AGMO: variants seen among roughly 807,000 people sequenced by gnomAD.
The protein encoded by AGMO is alkylglycerol monooxygenase.
In AGMO, 75 loss-of-function variants were observed where a neutral mutation model predicts 60.2. That is an observed-to-expected ratio of 1.25 (90% CI 1.03 to 1.51). AGMO has a LOEUF of 1.51. Among genes scored for constraint, AGMO ranks in the 40% most tolerant of loss-of-function variants. AGMO has a pLI of 0.00. For missense variants in AGMO, 763 were observed against 525.5 expected (o/e 1.45, Z -4.42); for synonymous variants, 261 against 177.1 (o/e 1.47, Z -3.76).
chr7:15,388,168 T>TA (rs1194767015), intron 8 of AGMO, among the ~76,000 whole-genome samples: 1 of 152,166 alleles, frequency 6.6e-6, no homozygotes, highest in East Asian at 1.9e-4. Flanking sequence ...ATTAAGATTA[T>TA]AAAAAATAAT....
At chr7:15,293,614 T>C (rs538416992) in intron 12 of AGMO, among the ~76,000 whole-genome samples, 4 of 147,526 alleles carry the variant, frequency 2.7e-5, no homozygotes, top group South Asian at 4.1e-4. Context: ...GCTTCTACTC[T>C]AGTTCCTCAC....
At chr7:15,190,249 A>G in the AGMO span, among the ~76,000 whole-genome samples, 12 of 142,526 alleles carry the variant, frequency 8.4e-5, no homozygotes, top group African/African-American at 2.8e-4. Flanking sequence ...ATATATATAT[A>G]TGCAGCAAAC....
chr7:15,285,455 G>A (rs1418752537), intron 12 of AGMO, among the ~76,000 whole-genome samples: 2 of 151,922 alleles, frequency 1.3e-5, no homozygotes, highest in Non-Finnish European at 2.9e-5. Flanking sequence ...ATCAAATCAA[G>A]AACCCAATTC....
At chr7:15,376,250 A>C (rs1045821609) in intron 10 of AGMO, among the ~76,000 whole-genome samples, 1 of 152,124 alleles carries the variant, frequency 6.6e-6, no homozygotes, top group East Asian at 1.9e-4. Context: ...TGAAATCCCA[A>C]GGGGATAGAC....
the AGMO span, among the ~76,000 whole-genome samples, chr7:15,124,806 A>G: frequency 6.6e-6 from 1 of 152,070 alleles, no homozygotes. Context: ...GGATTCAGAA[A>G]TTCAGCAAGT....
intron 12 of AGMO, among the ~76,000 whole-genome samples, chr7:15,309,495 T>G (rs1780706288): frequency 6.6e-6 from 1 of 152,118 alleles, no homozygotes; most frequent in Admixed American, 6.6e-5. Context: ...TTTTCTCCAT[T>G]TCCCCTAAGC....
At chr7:15,183,105 T>C in the AGMO span, among the ~76,000 whole-genome samples, 1,087 of 143,070 alleles carry the variant, frequency 7.6e-3, 14 homozygotes, top group African/African-American at 0.027. Context: ...CCAAACCATA[T>C]TGCACTTCTT....
At chr7:15,497,352 C>T (rs1267782375) in intron 3 of AGMO, among the ~76,000 whole-genome samples, 2 of 152,098 alleles carry the variant, frequency 1.3e-5, no homozygotes, top group African/African-American at 2.4e-5. Flanking sequence ...CCCCAAGCCT[C>T]ATTACTTCTT....
the AGMO span, among the ~76,000 whole-genome samples, chr7:15,135,979 C>A: frequency 9.4e-6 from 1 of 106,870 alleles, no homozygotes; most frequent in Admixed American, 1.2e-4. Flanking sequence ...TTTTTCTTTT[C>A]TTTTTTTTTT....
chr7:15,351,271 G>C (rs1475187232), intron 12 of AGMO, among the ~76,000 whole-genome samples: 1 of 152,002 alleles, frequency 6.6e-6, no homozygotes, highest in African/African-American at 2.4e-5. Context: ...AACATCAGAG[G>C]AGCAAAAACA....
At chr7:15,304,503 G>C (rs1210722225) in intron 12 of AGMO, among the ~76,000 whole-genome samples, 1 of 151,938 alleles carries the variant, frequency 6.6e-6, no homozygotes, top group Non-Finnish European at 1.5e-5. Context: ...GGTGATTTAG[G>C]GTTTGTTACA....
At chr7:15,242,434 T>G (rs1010981537) in intron 12 of AGMO, among the ~76,000 whole-genome samples, 5 of 152,110 alleles carry the variant, frequency 3.3e-5, no homozygotes, top group African/African-American at 1.2e-4. Context: ...ACCACAGTGT[T>G]TGGAGTAAAA....
intron 12 of AGMO, among the ~76,000 whole-genome samples, chr7:15,209,807 C>T (rs1781537774): frequency 6.6e-6 from 1 of 152,136 alleles, no homozygotes. Flanking sequence ...CTGAATTTTC[C>T]CTTACTTTCC....
At chr7:15,191,205 G>T in the AGMO span, among the ~76,000 whole-genome samples, 2 of 152,202 alleles carry the variant, frequency 1.3e-5, no homozygotes, top group African/African-American at 2.4e-5. Context: ...GAGTGGGAAA[G>T]AAAATTTTAG....
At chr7:15,454,588 AGT>A (rs994353149) in intron 3 of AGMO, among the ~76,000 whole-genome samples, 15 of 151,906 alleles carry the variant, frequency 9.9e-5, no homozygotes, top group Admixed American at 5.2e-4. Context: ...TTCCAATCTT[AGT>A]GTGTGTGTGT....
rs1201404672 is a variant in AGMO, at chr7:15,354,502, A to ACACGTGTG, written c.1263+11011_1263+11012insCACACGTG. On this transcript the variant is annotated intron_variant, in intron 12 of 12. Transcript: ENST00000342526. ...CGTGTGTATATACACACGTGTATATATATATATATATATATATATATATAT... is the reference window on the plus strand; with the variant it reads ...CGTGTGTATATACACACGTGTATATACACGTGTGTATATATATATATATATATATATAT... Among the ~76,000 whole-genome samples, 115 of 21,138 alleles carry ACACGTGTG rather than the reference A, an allele frequency of 5.4e-3. 4 individuals carry two copies. Among genetic ancestry groups the ACACGTGTG allele is most frequent in the East Asian group, 0.016 (4 of 256 alleles). 13.9% of individuals were successfully genotyped at this position (21,138 alleles called of 152,430 possible).
At chr7:15,317,482 T>A (rs1189938760) in intron 12 of AGMO, among the ~76,000 whole-genome samples, 1 of 152,060 alleles carries the variant, frequency 6.6e-6, no homozygotes, top group African/African-American at 2.4e-5. Context: ...GCAAAGGGGA[T>A]CAAATTACAC....
At chr7:15,139,590 C>T in the AGMO span, among the ~76,000 whole-genome samples, 1 of 151,698 alleles carries the variant, frequency 6.6e-6, no homozygotes, top group Non-Finnish European at 1.5e-5. Context: ...ATTTAGCTCT[C>T]AATTTTTTAT....
chr7:15,325,090 T>C (rs10280873), intron 12 of AGMO, among the ~76,000 whole-genome samples: 132,494 of 152,266 alleles, frequency 0.87, 58,059 homozygotes, highest in East Asian at 0.96. Flanking sequence ...TTGTTTCTTA[T>C]TGGTAAGTAA....
Sources: allele counts gnomAD v4.1 joint callset (sites outside exome capture counted in the v4.1 genomes callset), GRCh38; gene constraint gnomAD v4.1.1; transcripts MANE v1.5; gene names NCBI Gene and HGNC (gene_info 2026-07-23, HGNC 2026-07-21).